Variants in EYS observed in about 807,000 individuals in gnomAD.
EYS encodes the protein EGF-like photoreceptor maintenance factor.
EYS carries 250 observed loss-of-function variants against 282.1 expected under a neutral mutation model. The ratio of observed to expected loss-of-function variants is 0.89; its 90% CI spans 0.80 to 0.98. The LOEUF (loss-of-function observed/expected upper bound fraction) is 0.98, where lower values mean the gene tolerates loss of function less well. Among genes scored for constraint, EYS ranks in the 50% least tolerant of loss-of-function variants. EYS has a pLI of 0.00. For missense variants in EYS, 4,016 were observed against 3,709.0 expected (o/e 1.08, Z -2.15); for synonymous variants, 1,355 against 1,282.9 (o/e 1.06, Z -1.20).
intron 31 of EYS, among the ~76,000 whole-genome samples, chr6:64,170,905 G>T (rs1288487295): frequency 6.6e-6 from 1 of 151,910 alleles, no homozygotes; most frequent in Non-Finnish European, 1.5e-5. Context: ...TCTGCTGAGA[G>T]GCAGGCAGGA....
At chr6:65,398,745 G>T (rs1448109916) in intron 7 of EYS, among the ~76,000 whole-genome samples, 1 of 152,032 alleles carries the variant, frequency 6.6e-6, no homozygotes, top group African/African-American at 2.4e-5. Flanking sequence ...AAACATACTT[G>T]ATATCTACTT....
At chr6:65,252,796 T>C (rs932962838) in intron 12 of EYS, among the ~76,000 whole-genome samples, 2 of 151,996 alleles carry the variant, frequency 1.3e-5, no homozygotes, top group Admixed American at 1.3e-4. Context: ...AATTTTACAA[T>C]TGAAAATTGA....
Position 65,578,712 on chromosome 6 carries a change from T to C in EYS, c.-333+61066A>G, listed in dbSNP as rs1022937487. Among the ~76,000 whole-genome samples the C allele has an allele frequency of 2.6e-5, 4 of 152,018 alleles. No individual in the cohort carries two copies. The South Asian group carries it at 6.2e-4, about 24-fold the overall frequency. ...ATACATGTTGTATACCACAAATATA[T>C]ACATAATTTTTACTTAACTAAAAAT... On this transcript the variant is annotated intron_variant, in intron 2 of 42. Transcript: ENST00000503581.
At chr6:63,733,163 TA>T (rs908522209) in intron 41 of EYS, among the ~76,000 whole-genome samples, 2 of 152,120 alleles carry the variant, frequency 1.3e-5, no homozygotes, top group Admixed American at 6.6e-5. Flanking sequence ...GGGAGAGTTT[TA>T]ATAGATAAAG....
At chr6:64,679,805 C>A (rs1769833475) in intron 22 of EYS, among the ~76,000 whole-genome samples, 1 of 152,030 alleles carries the variant, frequency 6.6e-6, no homozygotes, top group Non-Finnish European at 1.5e-5. Context: ...ACATGCTACA[C>A]ACATTTACTT....
At chr6:65,328,752 T>G (rs1224993724) in intron 11 of EYS, among the ~76,000 whole-genome samples, 3 of 151,058 alleles carry the variant, frequency 2.0e-5, no homozygotes, top group Admixed American at 2.0e-4. Context: ...ATTATTAGTT[T>G]TTTATCATTT....
chr6:64,828,275 T>G (rs9360084), intron 19 of EYS, among the ~76,000 whole-genome samples: 67,347 of 151,524 alleles, frequency 0.44, 15,711 homozygotes, highest in East Asian at 0.81. Context: ...AATATCAAAG[T>G]TTCTAACTGA....
At chr6:64,787,045 GCTA>G (rs1477851884) in intron 22 of EYS, among the ~76,000 whole-genome samples, 2 of 152,170 alleles carry the variant, frequency 1.3e-5, no homozygotes, top group Admixed American at 6.6e-5. Flanking sequence ...TGCTCTTGAA[GCTA>G]CTATTTCCCT....
intron 31 of EYS, among the ~76,000 whole-genome samples, chr6:64,151,270 A>G (rs994454348): frequency 7.1e-6 from 1 of 141,770 alleles, no homozygotes; most frequent in Admixed American, 7.2e-5. Flanking sequence ...AGTGAAAATA[A>G]ATTACAGTGG....
chr6:65,512,489 T>A (rs1467493698), intron 2 of EYS, among the ~76,000 whole-genome samples: 4 of 65,748 alleles, frequency 6.1e-5, no homozygotes, highest in South Asian at 6.4e-4. Context: ...CGAGACTCTA[T>A]CTCAAAAAAA....
intron 41 of EYS, among the ~76,000 whole-genome samples, chr6:63,739,542 C>T (rs1282871926): frequency 6.6e-6 from 1 of 152,164 alleles, no homozygotes; most frequent in East Asian, 1.9e-4. Flanking sequence ...CCTTTGAACT[C>T]TCTGTTGGCA....
intron 22 of EYS, among the ~76,000 whole-genome samples, chr6:64,705,185 C>T (rs925502651): frequency 1.3e-5 from 2 of 152,104 alleles, no homozygotes. Context: ...ACACCAACAG[C>T]GACCAAGCTG....
intron 5 of EYS, among the ~76,000 whole-genome samples, chr6:65,428,153 C>T (rs1767734975): frequency 6.6e-6 from 1 of 151,954 alleles, no homozygotes; most frequent in Non-Finnish European, 1.5e-5. Flanking sequence ...CAAACTTGCT[C>T]ATCAATTCTC....
At chr6:63,732,643 C>T (rs188975343) in intron 41 of EYS, among the ~76,000 whole-genome samples, 32 of 152,216 alleles carry the variant, frequency 2.1e-4, no homozygotes, top group African/African-American at 7.7e-4. Flanking sequence ...GAAAATATTC[C>T]ACATGTATTC....
chr6:64,703,880 G>C (rs935435320), intron 22 of EYS, among the ~76,000 whole-genome samples: 2 of 152,158 alleles, frequency 1.3e-5, no homozygotes, highest in Admixed American at 1.3e-4. Context: ...TTAGAAGGGA[G>C]AGGTGAAAAT....
At chr6:65,336,042 T>C (rs761811016) in intron 10 of EYS, among the ~76,000 whole-genome samples, 25 of 151,702 alleles carry the variant, frequency 1.6e-4, no homozygotes, top group Non-Finnish European at 3.1e-4. Context: ...GTGAAGACCA[T>C]GCTTGCTTCC....
At chr6:64,519,994 T>TA (rs1427555646) in intron 26 of EYS, among the ~76,000 whole-genome samples, 1 of 151,838 alleles carries the variant, frequency 6.6e-6, no homozygotes, top group African/African-American at 2.4e-5. Flanking sequence ...ACCGTACTTC[T>TA]ACCAGAAGCA....
At chr6:64,107,422 C>G (rs1358523441) in intron 31 of EYS, among the ~76,000 whole-genome samples, 1 of 150,910 alleles carries the variant, frequency 6.6e-6, no homozygotes, top group Non-Finnish European at 1.5e-5. Flanking sequence ...ACTGAAGAAC[C>G]TGGAGTCTGA....
chr6:64,409,163 A>C (rs1175444562), intron 28 of EYS, among the ~76,000 whole-genome samples: 1 of 152,170 alleles, frequency 6.6e-6, no homozygotes, highest in African/African-American at 2.4e-5. Flanking sequence ...TCCATGGTGT[A>C]TATGCACCAC....
Sources: allele counts gnomAD v4.1 joint callset (sites outside exome capture counted in the v4.1 genomes callset), GRCh38; gene constraint gnomAD v4.1.1; transcripts MANE v1.5; gene names NCBI Gene and HGNC (gene_info 2026-07-23, HGNC 2026-07-21).